PPP3CA: variants seen among roughly 807,000 people sequenced by gnomAD.
PPP3CA encodes protein phosphatase 3 catalytic subunit alpha.
Under a neutral mutation model 66.5 loss-of-function variants are expected in PPP3CA, and 14 were observed. That is an observed-to-expected ratio of 0.21 (90% CI 0.14 to 0.33). The LOEUF (loss-of-function observed/expected upper bound fraction) is 0.33. Ranked by LOEUF, PPP3CA falls within the 10% of genes least tolerant of loss-of-function variation. The pLI, the probability that PPP3CA is intolerant of heterozygous loss-of-function variation, is 1.00. For synonymous variants in PPP3CA, 232 were observed against 226.2 expected (o/e 1.03, Z -0.23); for missense variants, 317 against 639.5 (o/e 0.50, Z 5.44).
chr4:101,204,635 C>CA lies in PPP3CA; in HGVS notation c.59-8520dup, dbSNP rs55925064. 3.1e-3 allele frequency among the ~76,000 whole-genome samples: 335 copies of CA among 107,488 alleles called. 3 individuals carry two copies. The highest frequency in any genetic ancestry group is 0.011 in the East Asian group (41 of 3,672). The allele number at this position is 107,488 out of a possible 152,430, so 70.5% of individuals were successfully genotyped here. ...TGGGCGACAGAGCAGGACTCCATCT[C>CA]AAAAAAAAAAAAAAAAAAAAAAAAG... is the stretch of plus-strand genomic sequence containing the variant. On this transcript the variant is annotated intron_variant, in intron 1 of 13. Coordinates refer to ENST00000394854, the MANE Select transcript of PPP3CA (RefSeq NM_000944.5).
At chr4:101,103,511 T>A (rs1384815984) in intron 3 of PPP3CA, among the ~76,000 whole-genome samples, 1 of 152,182 alleles carries the variant, frequency 6.6e-6, no homozygotes, top group African/African-American at 2.4e-5. Flanking sequence ...CTTCTTCATG[T>A]CTGTGGCATT....
At chr4:101,308,012 T>G (rs1728601453) in intron 1 of PPP3CA, among the ~76,000 whole-genome samples, 1 of 152,194 alleles carries the variant, frequency 6.6e-6, no homozygotes, top group Admixed American at 6.5e-5. Context: ...TACTAAGCAG[T>G]CAAGGGAGAA....
intron 1 of PPP3CA, among the ~76,000 whole-genome samples, chr4:101,333,299 T>TTTTTTTTG (rs1729503902): frequency 8.0e-6 from 1 of 124,898 alleles, no homozygotes. Context: ...TTTTTTTTTT[T>TTTTTTTTG]TTTTTTTTTT....
At chr4:101,285,078 G>C (rs548104440) in intron 1 of PPP3CA, among the ~76,000 whole-genome samples, 4 of 152,004 alleles carry the variant, frequency 2.6e-5, no homozygotes, top group African/African-American at 9.6e-5. Context: ...ACTGATGGGA[G>C]ACAAGGATTC....
intron 1 of PPP3CA, among the ~76,000 whole-genome samples, chr4:101,273,072 C>T (rs1449206319): frequency 6.6e-6 from 1 of 152,094 alleles, no homozygotes; most frequent in Non-Finnish European, 1.5e-5. Flanking sequence ...GTTCAAAGGA[C>T]AAGAATTTTA....
chr4:101,077,592 T>C (rs1729248027), intron 8 of PPP3CA, among the ~76,000 whole-genome samples: 1 of 152,252 alleles, frequency 6.6e-6, no homozygotes, highest in African/African-American at 2.4e-5. Context: ...AGCTTTAAAG[T>C]GCTTCAGAAA....
intron 1 of PPP3CA, among the ~76,000 whole-genome samples, chr4:101,304,988 T>C (rs1728488442): frequency 6.6e-6 from 1 of 152,166 alleles, no homozygotes; most frequent in Admixed American, 6.6e-5. Context: ...AAGCTATTAG[T>C]AAAACAAGGG....
chr4:101,076,209 G>T (rs1264745859), intron 8 of PPP3CA, among the ~76,000 whole-genome samples: 2 of 151,646 alleles, frequency 1.3e-5, no homozygotes, highest in African/African-American at 4.9e-5. Context: ...TTTAGAAAGG[G>T]TATCAGCACT....
chr4:101,329,999 T>G lies in PPP3CA; in HGVS notation c.58+16740A>C, dbSNP rs1273770249. On this transcript the variant is annotated intron_variant, in intron 1 of 13. Coordinates refer to ENST00000394854, the MANE Select transcript of PPP3CA (RefSeq NM_000944.5). ...ATTTAAACTTTCAAATTGTACTATT[T>G]AAGAAATATATCTCATAAGACTGTC... is the stretch of plus-strand genomic sequence containing the variant. 2.6e-5 allele frequency among the ~76,000 whole-genome samples: 4 copies of G among 152,130 alleles called. 1 individual carries two copies. The highest frequency in any genetic ancestry group is 1.3e-4 in the Admixed American group (2 of 15,268).
chr4:101,199,567 T>C (rs1476722930), intron 1 of PPP3CA, among the ~76,000 whole-genome samples: 2 of 152,188 alleles, frequency 1.3e-5, no homozygotes, highest in Non-Finnish European at 2.9e-5. Flanking sequence ...TACTTCACAA[T>C]TCCCACTCAA....
chr4:101,119,216 T>C (rs554550671), intron 2 of PPP3CA, among the ~76,000 whole-genome samples: 4 of 152,146 alleles, frequency 2.6e-5, no homozygotes, highest in African/African-American at 7.2e-5. Flanking sequence ...TATGCTATCA[T>C]ATATTGAAAG....
chr4:101,185,363 A>G (rs1203780215), intron 2 of PPP3CA, among the ~76,000 whole-genome samples: 1 of 152,192 alleles, frequency 6.6e-6, no homozygotes, highest in African/African-American at 2.4e-5. Context: ...TCTGAATTTC[A>G]TTGAGGGGCA....
chr4:101,315,902 G>C (rs977667258), intron 1 of PPP3CA, among the ~76,000 whole-genome samples: 2 of 152,118 alleles, frequency 1.3e-5, no homozygotes, highest in African/African-American at 2.4e-5. Context: ...CATGGTTTCG[G>C]ACTGCTGAAA....
chr4:101,143,330 A>G (rs900017681), intron 2 of PPP3CA, among the ~76,000 whole-genome samples: 1 of 152,060 alleles, frequency 6.6e-6, no homozygotes, highest in African/African-American at 2.4e-5. Context: ...CTTCTTTTCA[A>G]ATGGTTTCTT....
chr4:101,120,285 G>A (rs536392061), intron 2 of PPP3CA, among the ~76,000 whole-genome samples: 318 of 152,108 alleles, frequency 2.1e-3, no homozygotes, highest in African/African-American at 7.3e-3. Context: ...ACTGGTTGAC[G>A]TTTCACTTGT....
In PPP3CA at chr4:101,267,558, C is replaced by A. The variant is rs1727207025; in HGVS notation, c.59-71442G>T. ...GTTTAATAATGGAAGTGCATGAAGC[C>A]CGTACTATACTGAGATGGGAGGCAG... On this transcript the variant is annotated intron_variant, in intron 1 of 13. Coordinates refer to ENST00000394854, the MANE Select transcript of PPP3CA (RefSeq NM_000944.5). Among the ~76,000 whole-genome samples the A allele has an allele frequency of 2.6e-5, 4 of 152,136 alleles. No individual in the cohort carries two copies. The South Asian group carries it at 8.3e-4, about 32-fold the overall frequency.
intron 2 of PPP3CA, among the ~76,000 whole-genome samples, chr4:101,165,896 GT>G (rs1486512619): frequency 7.2e-5 from 11 of 152,278 alleles, no homozygotes; most frequent in African/African-American, 2.2e-4. Flanking sequence ...TACCTGGTTA[GT>G]TAAAAGGAAA....
intron 1 of PPP3CA, among the ~76,000 whole-genome samples, chr4:101,346,142 C>A (rs914172707): frequency 2.0e-5 from 3 of 152,000 alleles, no homozygotes; most frequent in Non-Finnish European, 2.9e-5. Context: ...GGGCTCCCCC[C>A]ACGCTCTCCC....
At chr4:101,065,286 G>A (rs534859356) in intron 8 of PPP3CA, among the ~76,000 whole-genome samples, 12 of 152,092 alleles carry the variant, frequency 7.9e-5, no homozygotes, top group Non-Finnish European at 1.5e-4. Context: ...CATGTAAAAG[G>A]TTTTTACTAT....
Sources: allele counts gnomAD v4.1 joint callset (sites outside exome capture counted in the v4.1 genomes callset), GRCh38; gene constraint gnomAD v4.1.1; transcripts MANE v1.5; gene names NCBI Gene and HGNC (gene_info 2026-07-23, HGNC 2026-07-21).